The following PRKG1 variants were observed in gnomAD, a reference collection of about 807,000 sequenced individuals.
PRKG1 encodes cGMP-dependent protein kinase 1.
PRKG1 carries 35 observed loss-of-function variants against 88.1 expected under a neutral mutation model. The observed-to-expected ratio is 0.40, with a 90% confidence interval of 0.30 to 0.53. PRKG1 has a LOEUF of 0.53. Ranked by LOEUF, PRKG1 falls within the 20% of genes least tolerant of loss-of-function variation. The pLI is 0.59. For synonymous variants in PRKG1, 303 were observed against 292.5 expected (o/e 1.04, Z -0.37); for missense variants, 540 against 839.8 (o/e 0.64, Z 4.41).
At chr10:52,260,786 A>T (rs1417652688) in intron 10 of PRKG1, among the ~76,000 whole-genome samples, 2 of 152,060 alleles carry the variant, frequency 1.3e-5, no homozygotes, top group African/African-American at 4.8e-5. Context: ...TCACTGCAAA[A>T]TGAAGTAAAG....
At position 51,188,497 on chromosome 10, in the gene PRKG1, T is replaced by C. The variant is rs548984110; in HGVS notation, c.478+35167T>C. The stretch of plus-strand genomic sequence containing the variant: ...TATCATGTTTTCATTAAACATGATA[T>C]ATGTTCAAGTATATTTCCCATGTGT... On this transcript the variant is annotated intron_variant, in intron 2 of 17. Transcript: ENST00000373980. 8.9e-4 allele frequency among the ~76,000 whole-genome samples: 135 copies of C among 152,160 alleles called. 1 individual carries two copies. Among genetic ancestry groups the C allele is most frequent in the South Asian group, 2.3e-3 (11 of 4,826 alleles).
chr10:52,143,071 T>C (rs1474981296), intron 8 of PRKG1, among the ~76,000 whole-genome samples: 1 of 152,046 alleles, frequency 6.6e-6, no homozygotes, highest in African/African-American at 2.4e-5. Flanking sequence ...GTAACTATAA[T>C]AGGGGACTGG....
intron 5 of PRKG1, among the ~76,000 whole-genome samples, chr10:52,000,674 T>C (rs1844571049): frequency 6.6e-6 from 1 of 152,090 alleles, no homozygotes; most frequent in Non-Finnish European, 1.5e-5. Context: ...CTATCTCTTC[T>C]ACTTATTCAA....
At chr10:51,319,951 T>C (rs770193389) in intron 2 of PRKG1, 25 of 222,030 alleles carry the variant, frequency 1.1e-4, no homozygotes, top group Non-Finnish European at 1.7e-4. Context: ...CCTTATCCCA[T>C]ACCATACAAC....
At chr10:52,190,472 G>A (rs1479939569) in intron 9 of PRKG1, among the ~76,000 whole-genome samples, 3 of 152,000 alleles carry the variant, frequency 2.0e-5, no homozygotes, top group African/African-American at 4.8e-5. Context: ...TGACAATAAT[G>A]GGTAACACTT....
chr10:51,075,604 T>A (rs956871235), intron 1 of PRKG1, among the ~76,000 whole-genome samples: 1 of 152,260 alleles, frequency 6.6e-6, no homozygotes, highest in Non-Finnish European at 1.5e-5. Context: ...ATGTTACTAA[T>A]GGAGCATCTC....
At chr10:51,743,548 G>A (rs754780647) in intron 3 of PRKG1, among the ~76,000 whole-genome samples, 6 of 150,270 alleles carry the variant, frequency 4.0e-5, no homozygotes, top group Non-Finnish European at 5.9e-5. Context: ...TATATTTGCT[G>A]TTTAGACTGT....
chr10:51,638,363 G>A (rs956366423), intron 3 of PRKG1, among the ~76,000 whole-genome samples: 3 of 152,218 alleles, frequency 2.0e-5, no homozygotes, highest in Admixed American at 2.0e-4. Flanking sequence ...AAATGAGTGA[G>A]CATGTGGTGT....
At position 51,155,863 on chromosome 10, in the gene PRKG1, C is replaced by T. The variant is rs763544563; in HGVS notation, c.478+2533C>T. Among the ~76,000 whole-genome samples, 4 of 151,874 alleles carry T rather than the reference C, an allele frequency of 2.6e-5. No individual in the cohort carries two copies. In the East Asian group the frequency reaches 5.8e-4, roughly 22 times the overall value. ...TAATCAGCTTTACTCAATGTCTATTCGTTTAGGTGTTACTAAAATATCTTC... is the reference window on the plus strand; with the variant it reads ...TAATCAGCTTTACTCAATGTCTATTTGTTTAGGTGTTACTAAAATATCTTC... On this transcript the variant is annotated intron_variant, in intron 2 of 17. Coordinates refer to ENST00000373980, the MANE Select transcript of PRKG1 (RefSeq NM_006258.4).
At chr10:52,148,183 T>C (rs181751915) in intron 8 of PRKG1, among the ~76,000 whole-genome samples, 39 of 152,328 alleles carry the variant, frequency 2.6e-4, no homozygotes, top group Admixed American at 1.0e-3. Flanking sequence ...TTGTCACTTA[T>C]GTATTCTCAT....
chr10:51,657,070 A>G (rs1334282569), intron 3 of PRKG1, among the ~76,000 whole-genome samples: 2 of 152,128 alleles, frequency 1.3e-5, no homozygotes, highest in African/African-American at 4.8e-5. Flanking sequence ...AATATATGTC[A>G]AGCATTTATA....
chr10:51,632,274 C>G (rs1001076574), intron 3 of PRKG1, among the ~76,000 whole-genome samples: 2 of 152,012 alleles, frequency 1.3e-5, no homozygotes, highest in Non-Finnish European at 2.9e-5. Flanking sequence ...AACAGTGACC[C>G]CCATGTGATT....
chr10:51,283,824 T>A (rs16916213), intron 2 of PRKG1, among the ~76,000 whole-genome samples: 9,633 of 152,234 alleles, frequency 0.063, 1,001 homozygotes, highest in African/African-American at 0.22. Context: ...TATGAACCAC[T>A]CTTGCACCAT....
At chr10:51,964,382 A>G (rs1904032) in intron 5 of PRKG1, among the ~76,000 whole-genome samples, 151,422 of 152,356 alleles carry the variant, frequency 0.99, 75,254 homozygotes, top group Middle Eastern at 1. Context: ...ATAACAGTTT[A>G]ATGACAGCAT....
At chr10:52,038,727 G>A (rs911563261) in intron 5 of PRKG1, among the ~76,000 whole-genome samples, 5 of 152,152 alleles carry the variant, frequency 3.3e-5, no homozygotes, top group African/African-American at 1.2e-4. Flanking sequence ...TTTGAAACGT[G>A]GGTGAATAAT....
intron 2 of PRKG1, among the ~76,000 whole-genome samples, chr10:51,271,232 A>G (rs1339151279): frequency 6.6e-6 from 1 of 151,864 alleles, no homozygotes; most frequent in Non-Finnish European, 1.5e-5. Flanking sequence ...CTTATTGGCT[A>G]TTTTATCCTA....
chr10:51,492,027 T>C (rs1333544888), intron 3 of PRKG1, among the ~76,000 whole-genome samples: 3 of 152,122 alleles, frequency 2.0e-5, no homozygotes, highest in African/African-American at 7.2e-5. Flanking sequence ...GCTCTGCCAA[T>C]TTCAATTCAA....
At chr10:52,140,357 ATCTG>A (rs926559378) in intron 8 of PRKG1, among the ~76,000 whole-genome samples, 2 of 141,688 alleles carry the variant, frequency 1.4e-5, no homozygotes, top group African/African-American at 2.7e-5. Flanking sequence ...TCCTGATGCC[ATCTG>A]TCTGTTTGTC....
intron 2 of PRKG1, among the ~76,000 whole-genome samples, chr10:51,403,502 C>T (rs963608260): frequency 1.3e-4 from 20 of 152,106 alleles, no homozygotes; most frequent in Non-Finnish European, 2.5e-4. Flanking sequence ...TACTGTTTGA[C>T]ACTTAATTTA....
Sources: allele counts gnomAD v4.1 joint callset (sites outside exome capture counted in the v4.1 genomes callset), GRCh38; gene constraint gnomAD v4.1.1; transcripts MANE v1.5; gene names NCBI Gene and HGNC (gene_info 2026-07-23, HGNC 2026-07-21).